HSF2BP: variants seen among roughly 807,000 people sequenced by gnomAD.
HSF2BP encodes the protein heat shock factor 2-binding protein.
Under a neutral mutation model 35.0 loss-of-function variants are expected in HSF2BP, and 35 were observed. The ratio of observed to expected loss-of-function variants is 1.00; its 90% CI spans 0.76 to 1.32. The LOEUF is 1.32. HSF2BP is among the 40% of genes most tolerant of loss of function. The pLI is 0.00. For synonymous variants in HSF2BP, 114 were observed against 117.4 expected, an observed-to-expected ratio of 0.97 and a Z score of 0.18; for missense variants, 326 against 321.7, an observed-to-expected ratio of 1.01 and a Z score of -0.10.
intron 8 of HSF2BP, among the ~76,000 whole-genome samples, chr21:43,587,102 C>T (rs892259882): frequency 2.6e-5 from 4 of 152,260 alleles, no homozygotes; most frequent in Non-Finnish European, 2.9e-5. Context: ...ACCAGCACCA[C>T]GAACTATTTT....
intron 7 of HSF2BP, among the ~76,000 whole-genome samples, chr21:43,595,981 A>G (rs1411183264): frequency 3.3e-5 from 5 of 151,916 alleles, no homozygotes; most frequent in African/African-American, 1.2e-4. Context: ...CAGCCTCCCA[A>G]CGTGCTGAGA....
chr21:43,586,690 T>C (rs547615512), intron 8 of HSF2BP, among the ~76,000 whole-genome samples: 42 of 152,264 alleles, frequency 2.8e-4, no homozygotes, highest in African/African-American at 9.9e-4. Flanking sequence ...CAAATCTGGG[T>C]TGAATGAGTC....
chr21:43,650,018 C>A (rs972512910), intron 3 of HSF2BP, among the ~76,000 whole-genome samples: 2 of 152,182 alleles, frequency 1.3e-5, no homozygotes, highest in African/African-American at 4.8e-5. Context: ...AAACTAAAAA[C>A]AAACTGGATG....
At chr21:43,640,792 A>T (rs543067687) in intron 4 of HSF2BP, among the ~76,000 whole-genome samples, 1 of 151,544 alleles carries the variant, frequency 6.6e-6, no homozygotes, top group African/African-American at 2.4e-5. Flanking sequence ...GGACCAAAAA[A>T]TTTTAACCAA....
At chr21:43,604,542 CCATACACACCCCACACACATTG>C (rs1568905234) in intron 7 of HSF2BP, among the ~76,000 whole-genome samples, 1 of 143,122 alleles carries the variant, frequency 7.0e-6, no homozygotes, top group Non-Finnish European at 1.5e-5. Flanking sequence ...ACCACACACA[CCATACACACCCCACACACATTG>C]CACACACACC....
At chr21:43,649,443 A>G (rs779968630) in intron 3 of HSF2BP, among the ~76,000 whole-genome samples, 44 of 151,974 alleles carry the variant, frequency 2.9e-4, no homozygotes, top group Admixed American at 7.2e-4. Context: ...AAAAAAAAAG[A>G]AAGAAAAATC....
In HSF2BP at chr21:43,621,141, G is replaced by A. The variant is rs2082326876; in HGVS notation, c.575-7194C>T. Reference sequence around the variant, plus strand: ...ATACTAATCAAACTCTCAACATTCAGAAATAAAGAGAGAAACTTAAAAACA... The same window carrying A: ...ATACTAATCAAACTCTCAACATTCAAAAATAAAGAGAGAAACTTAAAAACA... On this transcript the variant is annotated intron_variant, in intron 6 of 8. Transcript: ENST00000291560. Among the ~76,000 whole-genome samples the A allele has an allele frequency of 2.6e-5, 4 of 152,160 alleles. 1 individual carries two copies. The highest frequency in any genetic ancestry group is 2.6e-4 in the Admixed American group (4 of 15,268).
In HSF2BP at chr21:43,579,272, T is replaced by C. The variant is rs142593367; in HGVS notation, c.796+12953A>G. On this transcript the variant is annotated intron_variant, in intron 8 of 8. Coordinates refer to ENST00000291560, the MANE Select transcript of HSF2BP (RefSeq NM_007031.2). Reference sequence around the variant, plus strand: ...TTCATCAATGAGTTAATGAAGAACATTCGACGACATCTTTTCTTAAAGAAT... The same window carrying C: ...TTCATCAATGAGTTAATGAAGAACACTCGACGACATCTTTTCTTAAAGAAT... Among the ~76,000 whole-genome samples the C allele has an allele frequency of 4.1e-3, 621 of 152,344 alleles. 8 individuals carry two copies. Among genetic ancestry groups the C allele is most frequent in the African/African-American group, 0.014 (586 of 41,570 alleles).
intron 3 of HSF2BP, among the ~76,000 whole-genome samples, chr21:43,653,308 T>C (rs561871120): frequency 5.2e-4 from 78 of 151,344 alleles, no homozygotes; most frequent in African/African-American, 1.9e-3. Flanking sequence ...AAGAAGGGCA[T>C]GCAGAGACAG....
At chr21:43,651,601 T>A (rs2082786998) in intron 3 of HSF2BP, among the ~76,000 whole-genome samples, 2 of 152,140 alleles carry the variant, frequency 1.3e-5, no homozygotes, top group Admixed American at 1.3e-4. Context: ...TCCAGTTGAC[T>A]CTCATCTCAA....
intron 7 of HSF2BP, among the ~76,000 whole-genome samples, chr21:43,598,317 G>A (rs1265756136): frequency 6.6e-6 from 1 of 151,760 alleles, no homozygotes; most frequent in African/African-American, 2.4e-5. Flanking sequence ...CAATTCTCCT[G>A]CCTCAGCCTC....
intron 4 of HSF2BP, among the ~76,000 whole-genome samples, chr21:43,642,790 CTTTTCT>C (rs1337324713): frequency 3.9e-5 from 5 of 127,664 alleles, no homozygotes; most frequent in Admixed American, 1.0e-4. Flanking sequence ...GGAATGGCTT[CTTTTCT>C]TTTTTTTTTT....
At chr21:43,467,874 A>T in the HSF2BP span, among the ~76,000 whole-genome samples, 1 of 108,684 alleles carries the variant, frequency 9.2e-6, no homozygotes. Flanking sequence ...CACACACCAA[A>T]CACACCACAC....
chr21:43,608,896 C>G (rs1243123517), intron 7 of HSF2BP, among the ~76,000 whole-genome samples: 1 of 152,018 alleles, frequency 6.6e-6, no homozygotes, highest in Non-Finnish European at 1.5e-5. Flanking sequence ...TTGCTTGAGC[C>G]CAGGATTTTC....
At chr21:43,607,204 C>T (rs1052571741) in intron 7 of HSF2BP, among the ~76,000 whole-genome samples, 1 of 151,800 alleles carries the variant, frequency 6.6e-6, no homozygotes, top group South Asian at 2.1e-4. Context: ...GCAGGAGAAT[C>T]GCTTGAGATC....
At chr21:43,644,235 TG>T in intron 4 of HSF2BP, 53 bp downstream of exon 4, 1 of 1,339,508 alleles carries the variant, frequency 7.5e-7, no homozygotes, top group Non-Finnish European at 1.1e-6. Flanking sequence ...AGTGAAAGGC[TG>T]TAAGCCAGCC....
intron 6 of HSF2BP, 62 bp downstream of exon 6, chr21:43,630,260 T>C (rs2082437500): frequency 7.0e-7 from 1 of 1,421,318 alleles, no homozygotes; most frequent in East Asian, 2.4e-5. Flanking sequence ...ATTGCAGTAT[T>C]TGCTTTACTG....
In HSF2BP at chr21:43,573,060, A is replaced by G. The variant is rs567466216; in HGVS notation, c.796+19165T>C. On this transcript the variant is annotated intron_variant, in intron 8 of 8. Transcript: ENST00000291560. ...TAAGTGTTTGGTGAATACATGAATG[A>G]GCCCATGAGTGAGTGAATGAAAGAA... 2.6e-5 allele frequency among the ~76,000 whole-genome samples: 4 copies of G among 152,320 alleles called. No individual in the cohort carries two copies. The East Asian group carries it at 7.7e-4, about 29-fold the overall frequency.
chr21:43,624,953 G>C (rs1216917341), intron 6 of HSF2BP, among the ~76,000 whole-genome samples: 2 of 152,112 alleles, frequency 1.3e-5, no homozygotes, highest in Non-Finnish European at 2.9e-5. Context: ...AGTAATAAGA[G>C]CAGATGTTAC....
Sources: allele counts gnomAD v4.1 joint callset (sites outside exome capture counted in the v4.1 genomes callset), GRCh38; gene constraint gnomAD v4.1.1; transcripts MANE v1.5; gene names NCBI Gene and HGNC (gene_info 2026-07-23, HGNC 2026-07-21).